The following GFM1 variants were observed in gnomAD, a reference collection of about 807,000 sequenced individuals.
GFM1 encodes G elongation factor mitochondrial 1, also known as elongation factor G, mitochondrial.
A neutral mutation model predicts 96.2 loss-of-function variants in GFM1; 62 were observed. The observed-to-expected ratio is 0.64, with a 90% CI of 0.53 to 0.80. GFM1 has a LOEUF of 0.80. GFM1 is among the 30% of genes least tolerant of loss of function. GFM1 has a pLI of 0.00. For missense variants in GFM1, 852 were observed against 916.6 expected (o/e 0.93, Z 0.91); for synonymous variants, 282 against 312.9 (o/e 0.90, Z 1.04).
intron 8 of GFM1, chr3:158,655,780 CCTTA>C: frequency 2.2e-6 from 1 of 451,940 alleles, no homozygotes; most frequent in Non-Finnish European, 4.4e-6. Context: ...TAACTAAAAT[CCTTA>C]CTTCATTTGA....
At chr3:158,652,053 T>A in intron 5 of GFM1, 43 bp from the exon 6 acceptor site, 1 of 1,549,020 alleles carries the variant, frequency 6.5e-7, no homozygotes, top group Non-Finnish European at 8.9e-7. Flanking sequence ...CTTCATATAT[T>A]AAGTTGAATA....
Position 158,649,135 on chromosome 3 carries a change from A to G in GFM1, c.667A>G (p.Ile223Val), listed in dbSNP as rs143446452. The change falls in exon 5 of 18, where the codon ATC (isoleucine) becomes GTC (valine). Residue 223 changes from isoleucine to valine, a missense_variant. Coordinates refer to ENST00000486715, the MANE Select transcript of GFM1 (RefSeq NM_024996.7). ...GIVDLIEERA[I>V]YFDGDFGQIV... ...TGTAGATCTTATTGAGGAACGAGCC[A>G]TCTATTTTGATGGAGACTTTGGGTA... 1.2e-4 allele frequency: 174 copies of G among 1,435,340 alleles called. 1 individual carries two copies. In the African/African-American group the frequency reaches 2.3e-3, roughly 19 times the overall value. The allele number at this position is 1,435,340 out of a possible 1,614,324, so 88.9% of individuals were successfully genotyped here.
chr3:158,668,347 C>G (rs747403552), intron 13 of GFM1, among the ~76,000 whole-genome samples: 1 of 152,018 alleles, frequency 6.6e-6, no homozygotes, highest in Non-Finnish European at 1.5e-5. Flanking sequence ...AGAAAAAAAT[C>G]TGTGCATGTT....
chr3:158,672,610 T>G (rs1724458250), intron 13 of GFM1: 2 of 1,007,016 alleles, frequency 2.0e-6, no homozygotes, highest in Non-Finnish European at 2.9e-6. Context: ...TCAGTCAGTC[T>G]TCTTCCTCAG....
At chr3:158,671,163 C>T in intron 13 of GFM1, 6 of 1,171,842 alleles carry the variant, frequency 5.1e-6, no homozygotes, top group Non-Finnish European at 6.5e-6. Context: ...AGGCATGTCA[C>T]CATGAATGTA....
intron 15 of GFM1, chr3:158,684,889 G>T: frequency 2.1e-6 from 1 of 482,174 alleles, no homozygotes. Flanking sequence ...CATTCTCTGG[G>T]GCTTTCTTTC....
chr3:158,654,755 C>G (rs1370975130), intron 8 of GFM1, 124 bp downstream of exon 8: 3 of 717,414 alleles, frequency 4.2e-6, no homozygotes, highest in Non-Finnish European at 7.5e-6. Flanking sequence ...GTAGAAAGAG[C>G]AGGTAGAGAA....
rs200633354 is a variant in GFM1, at chr3:158,673,725, AAC to A, written c.1601+7340_1601+7341del. Among the ~76,000 whole-genome samples the A allele has an allele frequency of 5.1e-3, 774 of 151,604 alleles. 6 individuals are homozygous for A. The highest frequency in any genetic ancestry group is 0.018 in the African/African-American group (750 of 41,380). Reference sequence around the variant, plus strand: ...ACGGGTTTAGGCTAGGCTGGTCTCAAACTCCTGACCTCAGGTGATCCACCCAC... The same window carrying A: ...ACGGGTTTAGGCTAGGCTGGTCTCAATCCTGACCTCAGGTGATCCACCCAC... On this transcript the variant is annotated intron_variant, in intron 13 of 17. Coordinates refer to ENST00000486715, the MANE Select transcript of GFM1 (RefSeq NM_024996.7).
In GFM1 at chr3:158,660,812, T is replaced by G. The variant is rs1576748042; in HGVS notation, c.1222-62T>G. 2.1e-6 allele frequency: 3 copies of G among 1,397,114 alleles called. No homozygotes were observed. In the Admixed American group the frequency reaches 5.0e-5, roughly 23 times the overall value. The allele number at this position is 1,397,114 out of a possible 1,614,324, so 86.5% of individuals were successfully genotyped here. A position where few individuals can be genotyped will look rare whatever the true frequency, so the allele number is the denominator to read the frequency against. ...TGTGTGTACTGTACAGTTTACTTTT[T>G]AGTTACCACATCTTTATTTGTATTA... is the stretch of plus-strand genomic sequence containing the variant. On this transcript the variant is annotated intron_variant, in intron 9 of 17. Transcript: ENST00000486715.
intron 10 of GFM1, among the ~76,000 whole-genome samples, chr3:158,661,268 A>G (rs1226175257): frequency 1.3e-5 from 2 of 152,230 alleles, no homozygotes; most frequent in Non-Finnish European, 1.5e-5. Context: ...GTACCTGGAC[A>G]GTGTGGCTCT....
chr3:158,676,701 CTTT>C (rs201525716), intron 13 of GFM1, among the ~76,000 whole-genome samples: 10 of 140,352 alleles, frequency 7.1e-5, no homozygotes, highest in Non-Finnish European at 6.2e-5. Flanking sequence ...TTTTCTTTTT[CTTT>C]TTTTTTTTTT....
intron 8 of GFM1, 138 bp from the exon 9 acceptor site, chr3:158,658,784 G>T (rs1722965504): frequency 1.2e-6 from 1 of 854,918 alleles, no homozygotes; most frequent in South Asian, 1.5e-5. Flanking sequence ...ATTAGTTTAT[G>T]ACAATAAACT....
chr3:158,683,959 C>T (rs1020802677), intron 14 of GFM1, among the ~76,000 whole-genome samples: 5 of 152,124 alleles, frequency 3.3e-5, no homozygotes, highest in African/African-American at 1.2e-4. Context: ...CCTAAATGCT[C>T]ATCAATGATA....
At chr3:158,649,306 T>TC in intron 5 of GFM1, 149 bp downstream of exon 5, 1 of 543,218 alleles carries the variant, frequency 1.8e-6, no homozygotes, top group Non-Finnish European at 3.3e-6. Flanking sequence ...ATACCTTTAA[T>TC]CCTAGTCGCT....
intron 5 of GFM1, among the ~76,000 whole-genome samples, chr3:158,651,500 G>A (rs796067954): frequency 6.6e-6 from 1 of 151,758 alleles, no homozygotes; most frequent in African/African-American, 2.4e-5. Flanking sequence ...CATATGTGAA[G>A]ATCAAATAAA....
At chr3:158,672,734 T>C (rs1576769958) in intron 13 of GFM1, 3 of 384,650 alleles carry the variant, frequency 7.8e-6, no homozygotes, top group Non-Finnish European at 1.5e-5. Context: ...GCTTCCTTAC[T>C]CCGCCTGCTG....
intron 13 of GFM1, among the ~76,000 whole-genome samples, chr3:158,673,061 G>A (rs1051179160): frequency 6.6e-6 from 1 of 152,100 alleles, no homozygotes; most frequent in African/African-American, 2.4e-5. Flanking sequence ...CCCCTTATGA[G>A]AGTCCAGGAA....
intron 13 of GFM1, among the ~76,000 whole-genome samples, chr3:158,677,771 G>C (rs1725027822): frequency 6.6e-6 from 1 of 152,198 alleles, no homozygotes; most frequent in Non-Finnish European, 1.5e-5. Context: ...CAAAGTGCTG[G>C]GATTACAGGC....
At chr3:158,659,660 A>G (rs1409151824) in intron 9 of GFM1, among the ~76,000 whole-genome samples, 2 of 152,194 alleles carry the variant, frequency 1.3e-5, no homozygotes. Flanking sequence ...AGCCTTCTGT[A>G]GTCCTTATGG....
Sources: gnomAD v4.1 joint callset for allele counts (sites outside exome capture counted in the v4.1 genomes callset) on GRCh38, gnomAD v4.1.1 for gene constraint, MANE v1.5 for transcripts, NCBI Gene and HGNC (gene_info 2026-07-23, HGNC 2026-07-21) for gene names.